AGAP3: variants seen among roughly 807,000 people sequenced by gnomAD.
AGAP3 encodes arf-GAP with GTPase, ANK repeat and PH domain-containing protein 3.
In AGAP3, 24 loss-of-function variants were observed where a neutral mutation model predicts 96.9. The ratio of observed to expected loss-of-function variants is 0.25; its 90% confidence interval spans 0.18 to 0.35. The LOEUF is 0.35. AGAP3 is among the 10% of genes least tolerant of loss of function. The pLI, the probability that AGAP3 is intolerant of heterozygous loss-of-function variation, is 1.00. For synonymous variants in AGAP3, 563 were observed against 536.1 expected (o/e 1.05, Z -0.69); for missense variants, 876 against 1,254.2 (o/e 0.70, Z 4.55).
intron 1 of AGAP3, among the ~76,000 whole-genome samples, chr7:151,093,646 A>C (rs1422894641): frequency 6.6e-6 from 1 of 152,100 alleles, no homozygotes; most frequent in East Asian, 1.9e-4. Context: ...TGCTGTTACT[A>C]GGCTTTCGCA....
chr7:151,115,588 C>T (rs780334241), intron 1 of AGAP3: 122 of 1,161,754 alleles, frequency 1.1e-4, no homozygotes, highest in Non-Finnish European at 5.0e-5. Context: ...CCCGCCGCGC[C>T]GCTGTGGGGC....
intron 1 of AGAP3, among the ~76,000 whole-genome samples, chr7:151,088,842 G>C (rs1253104148): frequency 6.6e-6 from 1 of 152,092 alleles, no homozygotes; most frequent in East Asian, 1.9e-4. Context: ...TAACACAACA[G>C]GCAGAATTTC....
intron 1 of AGAP3, among the ~76,000 whole-genome samples, chr7:151,103,025 T>G (rs1009721927): frequency 6.6e-6 from 1 of 152,362 alleles, no homozygotes; most frequent in Admixed American, 6.5e-5. Flanking sequence ...GCACTCCAGC[T>G]TGGACTATAT....
intron 10 of AGAP3, among the ~76,000 whole-genome samples, chr7:151,130,425 CTT>C (rs1800358488): frequency 6.6e-6 from 1 of 152,158 alleles, no homozygotes; most frequent in African/African-American, 2.4e-5. Flanking sequence ...GGACCCATGA[CTT>C]TGGCTCTGAG....
chr7:151,094,509 G>T (rs550762914), intron 1 of AGAP3, among the ~76,000 whole-genome samples: 3 of 150,758 alleles, frequency 2.0e-5, no homozygotes, highest in Admixed American at 6.6e-5. Context: ...AATGACTCTC[G>T]TTGTTTTACT....
chr7:151,109,695 C>T (rs907161980), intron 1 of AGAP3, among the ~76,000 whole-genome samples: 4 of 152,200 alleles, frequency 2.6e-5, no homozygotes, highest in African/African-American at 7.2e-5. Flanking sequence ...CCAGGGTCCT[C>T]CGTATCTCTG....
rs909233778 is a variant in AGAP3 at position 151,118,040 on chromosome 7, A to C, written c.707-170A>C. The C allele has an allele frequency of 3.1e-6, 3 of 968,524 alleles. No homozygotes were observed. In the African/African-American group the frequency reaches 5.0e-5, roughly 16 times the overall value. The allele number at this position is 968,524 out of a possible 1,614,324, so 60.0% of individuals were successfully genotyped here. On this transcript the variant is annotated intron_variant, in intron 5 of 17. Transcript: ENST00000397238. The surrounding 1 kb of genome is among the most constrained non-coding windows in gnomAD (Gnocchi z 6.1). The stretch of plus-strand genomic sequence containing the variant: ...CTTAAGTGCTTGCTGGTTTGCACTC[A>C]GTGAGGCCATGGAAGGGTTGAAATG...
chr7:151,117,517 C>G, intron 4 of AGAP3, 61 bp downstream of exon 4: 1 of 1,613,102 alleles, frequency 6.2e-7, no homozygotes, highest in Non-Finnish European at 8.5e-7. Flanking sequence ...CTCGAGCTTG[C>G]TGGTTGGGAC....
rs1328429805 is a variant in AGAP3, at chr7:151,122,665, C to T, written c.1129-1129C>T. 6 of 1,605,076 alleles carry T rather than the reference C, an allele frequency of 3.7e-6. No individual in the cohort carries two copies. The Admixed American group carries it at 6.8e-5, about 18-fold the overall frequency. ...GGGTCTCTGCCCTCACCGGTGCTGACCGACTTGTGCGGGGCTTGAGTATAA... is the reference window on the plus strand; with the variant it reads ...GGGTCTCTGCCCTCACCGGTGCTGATCGACTTGTGCGGGGCTTGAGTATAA... On this transcript the variant is annotated intron_variant, in intron 8 of 17. Coordinates refer to ENST00000397238, the MANE Select transcript of AGAP3 (RefSeq NM_031946.7).
chr7:151,142,738 A>ACGAC lies in AGAP3; in HGVS notation c.2273+105_2273+106insGACC. The ACGAC allele has an allele frequency of 7.9e-7, 1 of 1,258,018 alleles. No homozygotes were observed. The highest frequency in any genetic ancestry group is 1.4e-5 in the South Asian group (1 of 71,228). 77.9% of individuals were successfully genotyped at this position (1,258,018 alleles called of 1,614,324 possible). On this transcript the variant is annotated intron_variant, in intron 16 of 17. Transcript: ENST00000397238. The surrounding 1 kb of genome is among the most constrained non-coding windows in gnomAD (Gnocchi z 7.5). ...CTGTGATGGTATTAGAAGGGTTAAA[A>ACGAC]CTGTCTGTTGCTCTGCTTGGCAGTT...
At chr7:151,089,442 T>C (rs1798299056) in intron 1 of AGAP3, among the ~76,000 whole-genome samples, 1 of 151,628 alleles carries the variant, frequency 6.6e-6, no homozygotes, top group Admixed American at 6.6e-5. Flanking sequence ...TTCCTGGGGC[T>C]AAGCCTCTCG....
chr7:151,131,626 G>A (rs185789498), intron 10 of AGAP3, among the ~76,000 whole-genome samples: 141 of 152,318 alleles, frequency 9.3e-4, no homozygotes, highest in Non-Finnish European at 5.3e-4. Context: ...GCCCGGGCAC[G>A]AGGGCGTGGA....
chr7:151,119,890 G>A (rs1465511948), intron 7 of AGAP3, 97 bp from the exon 8 acceptor site: 19 of 1,250,786 alleles, frequency 1.5e-5, no homozygotes, highest in South Asian at 4.1e-5. Context: ...CATGAGCCCC[G>A]GCCAGGCCCC....
At position 151,139,814 on chromosome 7, in the gene AGAP3, G is replaced by T. The variant is rs889171573; in HGVS notation, c.1667-165G>T. On this transcript the variant is annotated intron_variant, in intron 12 of 17. Transcript: ENST00000397238. The surrounding 1 kb of genome is among the most constrained non-coding windows in gnomAD (Gnocchi z 4.9). ...CCAAGGCTGGGGAGCTTTGGGACTG[G>T]GAAGCCCAGGCAGACCTCGCCTAGA... is the stretch of plus-strand genomic sequence containing the variant. The T allele has an allele frequency of 1.1e-5, 6 of 557,104 alleles. No homozygotes were observed. Among genetic ancestry groups the T allele is most frequent in the Non-Finnish European group, 1.7e-5 (6 of 359,640 alleles). The allele number at this position is 557,104 out of a possible 1,614,324, so 34.5% of individuals were successfully genotyped here.
chr7:151,135,752 TCAGGTCC>T (rs1228626417), intron 11 of AGAP3, among the ~76,000 whole-genome samples: 1 of 152,218 alleles, frequency 6.6e-6, no homozygotes, highest in African/African-American at 2.4e-5. Context: ...TGTCTCTGCA[TCAGGTCC>T]CAGGTCCTCA....
At chr7:151,090,785 A>G (rs1403883044) in intron 1 of AGAP3, among the ~76,000 whole-genome samples, 1 of 152,172 alleles carries the variant, frequency 6.6e-6, no homozygotes, top group African/African-American at 2.4e-5. Context: ...TCTACTAAAA[A>G]TACGAAAAAT....
chr7:151,142,073 C>T lies in AGAP3; in HGVS notation c.1959+21C>T, dbSNP rs747119610. Reference sequence around the variant, plus strand: ...ACAAGGTGGGTACAGAGTGACTGGGCCCACACAGAGCACCTGGCTGGGGTG... The same window carrying T: ...ACAAGGTGGGTACAGAGTGACTGGGTCCACACAGAGCACCTGGCTGGGGTG... On this transcript the variant is annotated intron_variant, in intron 14 of 17. Transcript: ENST00000397238. This position sits in a 1 kb window ranked among gnomAD's most constrained non-coding sequence, Gnocchi z 7.5. The T allele has an allele frequency of 1.1e-5, 18 of 1,608,816 alleles. No individual in the cohort carries two copies. The highest frequency in any genetic ancestry group is 1.1e-5 in the Non-Finnish European group (13 of 1,176,354).
At chr7:151,088,109 T>C (rs1274377231) in intron 1 of AGAP3, among the ~76,000 whole-genome samples, 1 of 152,250 alleles carries the variant, frequency 6.6e-6, no homozygotes, top group African/African-American at 2.4e-5. Context: ...GGCCTGTCCC[T>C]GACTTGGGCC....
At chr7:151,116,969 C>T (rs910775942) in intron 2 of AGAP3, 118 bp downstream of exon 2, 73 of 1,481,160 alleles carry the variant, frequency 4.9e-5, no homozygotes, top group Non-Finnish European at 6.6e-5. Flanking sequence ...GCTTGGCCCT[C>T]TCTGCCCTCT....
Sources: gnomAD v4.1 joint callset for allele counts (sites outside exome capture counted in the v4.1 genomes callset) on GRCh38, gnomAD v4.1.1 for gene constraint, Gnocchi (gnomAD v3.1) non-coding constraint, MANE v1.5 for transcripts, NCBI Gene and HGNC (gene_info 2026-07-23, HGNC 2026-07-21) for gene names.